Variants in CCDC88C observed in about 807,000 individuals in gnomAD.
CCDC88C encodes coiled-coil and HOOK domain protein 88C, also known as protein Daple.
Under a neutral mutation model 198.8 loss-of-function variants are expected in CCDC88C, and 131 were observed. The observed-to-expected ratio is 0.66, with a 90% confidence interval of 0.57 to 0.76. The LOEUF is 0.76. Among genes scored for constraint, CCDC88C ranks in the 30% least tolerant of loss-of-function variants. CCDC88C has a pLI of 0.00. For missense variants in CCDC88C, 2,553 were observed against 2,631.6 expected, an observed-to-expected ratio of 0.97 and a Z score of 0.65; for synonymous variants, 1,166 against 1,114.7, an observed-to-expected ratio of 1.05 and a Z score of -0.92.
chr14:91,384,453 C>CT, intron 3 of CCDC88C: 1 of 525,024 alleles, frequency 1.9e-6, no homozygotes, highest in South Asian at 1.4e-5. Flanking sequence ...GGTTTTGATC[C>CT]TTCTTTGGGT....
At position 91,309,870 on chromosome 14, in the gene CCDC88C, G is replaced by A. The variant is rs572456733; in HGVS notation, c.2853C>T (p.Ser951=). ...GAAGAGGCCCTCACGTGTCACTGCC[G>A]CTGTCGTCCTCCTGCAACAGCAGCT... The part of the protein sequence containing the change: ...NRELLLQEDD[S]GSDTKYKILE... Residue 951 remains serine (S), a synonymous_variant, in exon 16 of 30, where the codon AGC becomes AGT. Coordinates refer to ENST00000389857, the MANE Select transcript of CCDC88C (RefSeq NM_001080414.4). 32 of 1,610,560 alleles carry A rather than the reference G, an allele frequency of 2.0e-5. No individual in the cohort carries two copies. The highest frequency in any genetic ancestry group is 9.9e-5 in the South Asian group (9 of 90,796).
intron 4 of CCDC88C, among the ~76,000 whole-genome samples, chr14:91,348,322 T>TTAA (rs34890400): frequency 2.5e-4 from 30 of 117,878 alleles, no homozygotes; most frequent in East Asian, 9.7e-4. Context: ...CTATCTCTAT[T>TTAA]AAAAAAAAAA....
chr14:91,389,141 A>T (rs1365771494), intron 3 of CCDC88C, among the ~76,000 whole-genome samples: 3 of 152,144 alleles, frequency 2.0e-5, no homozygotes, highest in Non-Finnish European at 4.4e-5. Flanking sequence ...TCATCTGAAG[A>T]CCTGCCTGGC....
In CCDC88C at chr14:91,417,718, C is replaced by T. The variant is rs1464557251; in HGVS notation, c.-28G>A. On this transcript the variant is annotated 5_prime_UTR_variant, in exon 1 of 30. Coordinates refer to ENST00000389857, the MANE Select transcript of CCDC88C (RefSeq NM_001080414.4). ...TGAGGCTGCGCCCGCCGGCTCCGCGCCCCCCGCCCCGCGTCCCCGTTCCCC... is the reference window on the plus strand; with the variant it reads ...TGAGGCTGCGCCCGCCGGCTCCGCGTCCCCCGCCCCGCGTCCCCGTTCCCC... The T allele has an allele frequency of 7.4e-6, 11 of 1,479,598 alleles. No individual in the cohort carries two copies. The highest frequency in any genetic ancestry group is 1.3e-5 in the South Asian group (1 of 77,446). 91.7% of individuals were successfully genotyped at this position (1,479,598 alleles called of 1,614,324 possible).
intron 20 of CCDC88C, among the ~76,000 whole-genome samples, chr14:91,303,248 C>A (rs73336471): frequency 6.6e-6 from 1 of 151,398 alleles, no homozygotes; most frequent in African/African-American, 2.4e-5. Context: ...GCCTCTCCCC[C>A]GGGCCCTGCC....
rs17127223 is a variant in CCDC88C at position 91,313,384 on chromosome 14, G to T, written c.2432C>A (p.Ala811Glu). ...GTCCTTCTCGGCCCCCTCCAACTGT[G>T]CATTGGCCAGCCGGAGGGCCTCCAG... ...RDLEALRLAN[A>E]QLEGAEKDRK... is the part of the protein sequence containing the mutation. The change falls in exon 15 of 30, where the codon GCA (alanine) becomes GAA (glutamate). Residue 811 changes from alanine to glutamate, a missense_variant. Coordinates refer to ENST00000389857, the MANE Select transcript of CCDC88C (RefSeq NM_001080414.4). The surrounding 1 kb of genome is among the most constrained non-coding windows in gnomAD (Gnocchi z 5.2). 2.7e-3 allele frequency: 4,330 copies of T among 1,609,168 alleles called. 90 individuals carry two copies. The African/African-American group carries it at 0.05, about 19-fold the overall frequency.
chr14:91,283,358 G>A lies in CCDC88C; in HGVS notation c.4601C>T (p.Pro1534Leu), dbSNP rs776085267. ...GGTGCGGCCTGGGTGCCGGGCGATG[G>A]GGGTGGAGTTGGAAGGGGCTGTAGT... ...ATTTAPSNSTPIARHPGRTKG... is the reference protein window; with the variant it reads ...ATTTAPSNSTLIARHPGRTKG... The change falls in exon 26 of 30, where the codon CCC (proline) becomes CTC (leucine). Residue 1534 changes from proline to leucine, a missense_variant. This residue lies in a region of CCDC88C where 1,293 missense variants were observed against 1,219.6 expected (regional missense o/e 1.06). Coordinates refer to ENST00000389857, the MANE Select transcript of CCDC88C (RefSeq NM_001080414.4). 1.1e-5 allele frequency: 17 copies of A among 1,613,706 alleles called. No homozygotes were observed. In the Admixed American group the frequency reaches 1.7e-4, roughly 16 times the overall value.
intron 4 of CCDC88C, among the ~76,000 whole-genome samples, chr14:91,355,918 T>C (rs944189499): frequency 5.9e-5 from 9 of 152,112 alleles, no homozygotes; most frequent in African/African-American, 2.2e-4. Flanking sequence ...TGTGATGCTA[T>C]GTGCCCAAAA....
In CCDC88C at chr14:91,289,276, C is replaced by CCCTCGAACCCTCTTTCTTTGGTTT; in HGVS notation, c.4246_4269dup (p.Lys1416_Arg1423dup). ...CTGTCCACGGTGGATTTTAAGCGTTCCCTCGAACCCTCTTTCTTTGGTTTG... is the reference window on the plus strand; with the variant it reads ...CTGTCCACGGTGGATTTTAAGCGTTCCCTCGAACCCTCTTTCTTTGGTTTCCTCGAACCCTCTTTCTTTGGTTTG... On this transcript the variant is annotated inframe_insertion, in exon 25 of 30. Transcript: ENST00000389857. 1 of 1,614,028 alleles carries CCCTCGAACCCTCTTTCTTTGGTTT rather than the reference C, an allele frequency of 6.2e-7. No individual in the cohort carries two copies. Among genetic ancestry groups the CCCTCGAACCCTCTTTCTTTGGTTT allele is most frequent in the African/African-American group, 1.3e-5 (1 of 75,048 alleles).
intron 12 of CCDC88C, among the ~76,000 whole-genome samples, chr14:91,322,429 T>C (rs1892394011): frequency 1.3e-5 from 2 of 152,106 alleles, no homozygotes; most frequent in Admixed American, 6.5e-5. Context: ...GTGGAGGGGA[T>C]GGTGTGTACC....
intron 4 of CCDC88C, among the ~76,000 whole-genome samples, chr14:91,354,452 A>C (rs1012337271): frequency 1.2e-4 from 18 of 152,326 alleles, no homozygotes; most frequent in African/African-American, 4.3e-4. Context: ...TCTTGTAGAA[A>C]ACACTCACCA....
chr14:91,375,259 C>CTG (rs763871977), intron 3 of CCDC88C, among the ~76,000 whole-genome samples: 8 of 151,830 alleles, frequency 5.3e-5, no homozygotes, highest in East Asian at 3.9e-4. Flanking sequence ...GCGCGCGTGT[C>CTG]TGTGTGTGTG....
At position 91,272,358 on chromosome 14, in the gene CCDC88C, GT is replaced by G; in HGVS notation, c.*266del. 1 of 494,694 alleles carries G rather than the reference GT, an allele frequency of 2.0e-6. No individual in the cohort carries two copies. The highest frequency in any genetic ancestry group is 2.5e-5 in the South Asian group (1 of 39,502). 30.6% of individuals were successfully genotyped at this position (494,694 alleles called of 1,614,324 possible). On this transcript the variant is annotated 3_prime_UTR_variant, in exon 30 of 30. Transcript: ENST00000389857. ...TCAGTTTGTCATTGCATCCTAATTG[GT>G]CCCCATGCTGACGTGGATTATTTGT... is the stretch of plus-strand genomic sequence containing the variant.
rs982498656 is a variant in CCDC88C, at chr14:91,272,521, A to G, written c.*104T>C. The G allele has an allele frequency of 8.0e-7, 1 of 1,247,334 alleles. No homozygotes were observed. Among genetic ancestry groups the G allele is most frequent in the African/African-American group, 1.5e-5 (1 of 66,602 alleles). 77.3% of individuals were successfully genotyped at this position (1,247,334 alleles called of 1,614,324 possible). ...GAAATGCGTGGGAACCCCTTTCCTC[A>G]TTCCAAACCCTCTCCTGGCACCGCA... On this transcript the variant is annotated 3_prime_UTR_variant, in exon 30 of 30. Coordinates refer to ENST00000389857, the MANE Select transcript of CCDC88C (RefSeq NM_001080414.4).
intron 13 of CCDC88C, among the ~76,000 whole-genome samples, chr14:91,320,394 G>A (rs563769783): frequency 2.3e-4 from 35 of 152,376 alleles, no homozygotes; most frequent in Middle Eastern, 3.4e-3. Flanking sequence ...TGGAGGTGCT[G>A]GAGGGGCACC....
chr14:91,387,174 A>G (rs1416862956), intron 3 of CCDC88C, among the ~76,000 whole-genome samples: 1 of 152,190 alleles, frequency 6.6e-6, no homozygotes, highest in African/African-American at 2.4e-5. Flanking sequence ...GGAAAAGAAA[A>G]TCAACCACGG....
At chr14:91,277,491 G>A (rs1890014395) in intron 29 of CCDC88C, among the ~76,000 whole-genome samples, 1 of 152,228 alleles carries the variant, frequency 6.6e-6, no homozygotes, top group Non-Finnish European at 1.5e-5. Flanking sequence ...GCAGAATTGA[G>A]TAGCTACAAC....
At chr14:91,297,593 G>A in intron 21 of CCDC88C, 102 bp from the exon 22 acceptor site, 2 of 1,227,124 alleles carry the variant, frequency 1.6e-6, no homozygotes, top group Non-Finnish European at 2.3e-6. Flanking sequence ...GTGGCAGGCT[G>A]TGCAACCTTA....
Position 91,376,771 on chromosome 14 carries a change from C to G in CCDC88C, c.271-17060G>C, listed in dbSNP as rs549691745. 2.7e-3 allele frequency among the ~76,000 whole-genome samples: 416 copies of G among 152,316 alleles called. 4 individuals are homozygous for G. The highest frequency in any genetic ancestry group is 9.8e-3 in the African/African-American group (407 of 41,576). ...CAGGTAAGCCCAGTGTCGGTTCAGCCCCCAGCTGGCTGCCCACGACACCCA... is the reference window on the plus strand; with the variant it reads ...CAGGTAAGCCCAGTGTCGGTTCAGCGCCCAGCTGGCTGCCCACGACACCCA... On this transcript the variant is annotated intron_variant, in intron 3 of 29. Transcript: ENST00000389857.
Sources: gnomAD v4.1 joint callset for allele counts (sites outside exome capture counted in the v4.1 genomes callset) on GRCh38, gnomAD v4.1.1 for gene constraint, gnomAD v4.1.1 regional missense constraint, Gnocchi (gnomAD v3.1) non-coding constraint, MANE v1.5 for transcripts, NCBI Gene and HGNC (gene_info 2026-07-23, HGNC 2026-07-21) for gene names.